Variants in ZFAND3 observed in about 807,000 individuals in gnomAD.
ZFAND3 encodes zinc finger AN1-type containing 3, also known as AN1-type zinc finger protein 3.
ZFAND3 carries 10 observed loss-of-function variants against 29.6 expected under a neutral mutation model. The observed-to-expected ratio is 0.34, with a 90% CI of 0.21 to 0.57. The LOEUF (loss-of-function observed/expected upper bound fraction) is 0.57. ZFAND3 is among the 20% of genes least tolerant of loss of function. The pLI is 0.86. For synonymous variants in ZFAND3, 128 were observed against 112.6 expected, an observed-to-expected ratio of 1.14 and a Z score of -0.87; for missense variants, 230 against 304.5, an observed-to-expected ratio of 0.76 and a Z score of 1.82.
chr6:38,124,512 C>G (rs1436988972), intron 5 of ZFAND3, among the ~76,000 whole-genome samples: 1 of 152,186 alleles, frequency 6.6e-6, no homozygotes, highest in Non-Finnish European at 1.5e-5. Flanking sequence ...GGTGAGAAAT[C>G]GAGCGCAGTG....
At chr6:38,129,024 T>C (rs556397228) in intron 5 of ZFAND3, among the ~76,000 whole-genome samples, 14 of 152,374 alleles carry the variant, frequency 9.2e-5, no homozygotes, top group African/African-American at 3.4e-4. Context: ...ATGATCATTC[T>C]TGCAGGAGTA....
chr6:38,102,270 GAA>G (rs1259012959), intron 4 of ZFAND3, among the ~76,000 whole-genome samples: 1 of 152,124 alleles, frequency 6.6e-6, no homozygotes, highest in African/African-American at 2.4e-5. Context: ...TGGAAGATGA[GAA>G]ACACTCACGA....
intron 4 of ZFAND3, among the ~76,000 whole-genome samples, chr6:38,101,605 C>G (rs1473814607): frequency 6.6e-6 from 1 of 151,780 alleles, no homozygotes; most frequent in Non-Finnish European, 1.5e-5. Flanking sequence ...GAAACCCCAT[C>G]TCTACTAAAA....
At chr6:38,048,615 C>A (rs1475828822) in intron 2 of ZFAND3, among the ~76,000 whole-genome samples, 1 of 1,242 alleles carries the variant, frequency 8.1e-4, no homozygotes. Flanking sequence ...GAGTGAGACT[C>A]CGTCTCAAAA....
intron 1 of ZFAND3, among the ~76,000 whole-genome samples, chr6:37,855,343 C>T (rs1394241047): frequency 1.4e-5 from 2 of 148,002 alleles, no homozygotes; most frequent in Admixed American, 6.8e-5. Context: ...GTAGAGATAG[C>T]GTTTCACCAT....
intron 3 of ZFAND3, among the ~76,000 whole-genome samples, chr6:38,070,913 G>A (rs565843611): frequency 2.6e-5 from 4 of 151,582 alleles, no homozygotes; most frequent in South Asian, 2.1e-4. Flanking sequence ...TTTAACTTGT[G>A]TTTTCCAGAC....
At chr6:38,143,202 GA>G (rs1456111395) in intron 5 of ZFAND3, 3 of 152,294 alleles carry the variant, frequency 2.0e-5, no homozygotes, top group Admixed American at 1.3e-4. Context: ...GGAGAGGAAA[GA>G]GGTAATTAGA....
intron 5 of ZFAND3, among the ~76,000 whole-genome samples, chr6:38,137,666 G>A (rs1765868150): frequency 6.6e-6 from 1 of 152,164 alleles, no homozygotes; most frequent in African/African-American, 2.4e-5. Context: ...AAATGACAGT[G>A]TGATAAGGGA....
At chr6:38,079,107 C>T (rs958050872) in intron 3 of ZFAND3, among the ~76,000 whole-genome samples, 3 of 152,096 alleles carry the variant, frequency 2.0e-5, no homozygotes, top group Non-Finnish European at 2.9e-5. Flanking sequence ...TGGATGACAG[C>T]GCAATTAGTG....
intron 2 of ZFAND3, among the ~76,000 whole-genome samples, chr6:38,057,851 C>T (rs141523002): frequency 1.3e-5 from 2 of 152,310 alleles, no homozygotes; most frequent in African/African-American, 4.8e-5. Flanking sequence ...GATTCTTTTT[C>T]AGATTCAAGT....
chr6:37,923,198 C>A (rs1225390279), intron 1 of ZFAND3, among the ~76,000 whole-genome samples: 1 of 152,216 alleles, frequency 6.6e-6, no homozygotes, highest in African/African-American at 2.4e-5. Context: ...GTGATCCTTC[C>A]TTCTCAGCAT....
chr6:38,076,554 A>G (rs1450528339), intron 3 of ZFAND3, among the ~76,000 whole-genome samples: 1 of 152,228 alleles, frequency 6.6e-6, no homozygotes, highest in Non-Finnish European at 1.5e-5. Flanking sequence ...ACTAATTTAG[A>G]TTTAAATAGT....
intron 1 of ZFAND3, among the ~76,000 whole-genome samples, chr6:37,921,741 A>G (rs80191465): frequency 0.064 from 9,728 of 152,200 alleles, 433 homozygotes; most frequent in Non-Finnish European, 0.093. Context: ...CATCAAGTAA[A>G]AATTAAAAAG....
intron 1 of ZFAND3, among the ~76,000 whole-genome samples, chr6:37,879,237 G>C (rs7747199): frequency 0.066 from 10,072 of 152,292 alleles, 417 homozygotes; most frequent in Non-Finnish European, 0.095. Context: ...AACTATCTTT[G>C]TATGTGATGG....
At chr6:37,968,985 A>T (rs199708959) in intron 2 of ZFAND3, among the ~76,000 whole-genome samples, 1 of 152,198 alleles carries the variant, frequency 6.6e-6, no homozygotes, top group Non-Finnish European at 1.5e-5. Flanking sequence ...TGAACTTCCT[A>T]GAGTGAACTT....
At chr6:37,932,201 G>C (rs1156892036) in intron 2 of ZFAND3, among the ~76,000 whole-genome samples, 1 of 151,772 alleles carries the variant, frequency 6.6e-6, no homozygotes, top group Non-Finnish European at 1.5e-5. Flanking sequence ...CCTAGGAGGC[G>C]GAGTTTGCAG....
intron 2 of ZFAND3, among the ~76,000 whole-genome samples, chr6:38,046,638 G>A (rs1009217640): frequency 3.9e-5 from 6 of 152,134 alleles, no homozygotes; most frequent in East Asian, 1.9e-4. Flanking sequence ...CTTAGTAACC[G>A]GTGTCCATTT....
intron 1 of ZFAND3, among the ~76,000 whole-genome samples, chr6:37,890,757 TAG>T (rs1488314944): frequency 1.3e-5 from 2 of 152,240 alleles, no homozygotes; most frequent in Admixed American, 1.3e-4. Context: ...TCTGGTATTG[TAG>T]AGTTCTTGAT....
chr6:38,018,739 TC>T (rs1460807779), intron 2 of ZFAND3, among the ~76,000 whole-genome samples: 1 of 152,174 alleles, frequency 6.6e-6, no homozygotes, highest in African/African-American at 2.4e-5. Context: ...AAAACAACTC[TC>T]CAGTTATTAT....
Sources: allele counts gnomAD v4.1 joint callset (sites outside exome capture counted in the v4.1 genomes callset), GRCh38; gene constraint gnomAD v4.1.1; transcripts MANE v1.5; gene names NCBI Gene and HGNC (gene_info 2026-07-23, HGNC 2026-07-21).